AP1G1: variants seen among roughly 807,000 people sequenced by gnomAD.
AP1G1 encodes adaptor related protein complex 1 subunit gamma 1, also known as AP-1 complex subunit gamma-1.
Under a neutral mutation model 108.3 loss-of-function variants are expected in AP1G1, and 7 were observed. That is an observed-to-expected ratio of 0.06 (90% CI 0.04 to 0.12). The LOEUF is 0.12. AP1G1 is among the 10% of genes least tolerant of loss of function. The pLI is 1.00. For missense variants in AP1G1, 756 were observed against 1,010.7 expected (o/e 0.75, Z 3.42); for synonymous variants, 379 against 353.5 (o/e 1.07, Z -0.81).
intron 1 of AP1G1, among the ~76,000 whole-genome samples, chr16:71,801,069 G>A (rs1188991314): frequency 1.3e-5 from 2 of 152,040 alleles, no homozygotes; most frequent in Non-Finnish European, 2.9e-5. Flanking sequence ...CACTTTGGGA[G>A]GCCAAGGCAG....
chr16:71,797,357 T>G (rs967621201), intron 1 of AP1G1, among the ~76,000 whole-genome samples: 1 of 152,042 alleles, frequency 6.6e-6, no homozygotes, highest in East Asian at 1.9e-4. Context: ...AAACTTGGAA[T>G]AAAACTTGCT....
chr16:71,773,007 C>A, intron 4 of AP1G1: 1 of 649,396 alleles, frequency 1.5e-6, no homozygotes, highest in Non-Finnish European at 2.8e-6. Flanking sequence ...ATTTGGTATG[C>A]CACCTAGGAT....
At chr16:71,782,227 G>T (rs578041986) in intron 2 of AP1G1, among the ~76,000 whole-genome samples, 4 of 151,018 alleles carry the variant, frequency 2.6e-5, no homozygotes, top group Middle Eastern at 3.2e-3. Flanking sequence ...GCAGTGGCAC[G>T]ATCTCGCCTC....
At chr16:71,792,032 G>A (rs1039936423) in intron 1 of AP1G1, among the ~76,000 whole-genome samples, 19 of 152,112 alleles carry the variant, frequency 1.2e-4, no homozygotes, top group African/African-American at 4.1e-4. Flanking sequence ...AAAGTGCTGG[G>A]ATTACAGGTG....
chr16:71,808,436 C>A, intron 1 of AP1G1: 1 of 1,182,540 alleles, frequency 8.5e-7, no homozygotes, highest in Non-Finnish European at 1.1e-6. Context: ...CCCGCTAAAC[C>A]CCAGGCTCCC....
At chr16:71,797,995 G>A (rs2032645731) in intron 1 of AP1G1, among the ~76,000 whole-genome samples, 1 of 152,084 alleles carries the variant, frequency 6.6e-6, no homozygotes, top group South Asian at 2.1e-4. Flanking sequence ...CAGTCCCATT[G>A]ACAATAGTGT....
intron 2 of AP1G1, among the ~76,000 whole-genome samples, chr16:71,783,353 A>G (rs977865180): frequency 6.6e-6 from 1 of 152,204 alleles, no homozygotes; most frequent in African/African-American, 2.4e-5. Flanking sequence ...TCTTAGAACC[A>G]AGTTCAATAA....
chr16:71,753,578 A>G (rs1372818272), intron 13 of AP1G1: 5 of 457,206 alleles, frequency 1.1e-5, no homozygotes. Context: ...CTCAAATGTT[A>G]TCTCCTCTGA....
At chr16:71,767,836 T>G in intron 6 of AP1G1, 1 of 1,592,600 alleles carries the variant, frequency 6.3e-7, no homozygotes, top group African/African-American at 1.3e-5. Flanking sequence ...ACTAAGGACC[T>G]AATGCCAGCA....
chr16:71,798,159 G>A (rs1236833034), intron 1 of AP1G1, among the ~76,000 whole-genome samples: 1 of 152,156 alleles, frequency 6.6e-6, no homozygotes, highest in Non-Finnish European at 1.5e-5. Flanking sequence ...ATCAAAAACT[G>A]TTAAGGCTGG....
Position 71,761,575 on chromosome 16 carries a change from G to A in AP1G1, c.919-8C>T. ...GATATTTATGGCTAGGACCTAAAGA[G>A]AAACAGCATAGGTCGAAATTTAGGA... On this transcript the variant is annotated splice_region_variant and splice_polypyrimidine_tract_variant and intron_variant, in intron 9 of 22. Transcript: ENST00000299980. The A allele has an allele frequency of 1.9e-6, 3 of 1,601,806 alleles. No homozygotes were observed. Among genetic ancestry groups the A allele is most frequent in the Non-Finnish European group, 1.7e-6 (2 of 1,170,740 alleles).
At chr16:71,800,190 C>CT (rs2032737810) in intron 1 of AP1G1, among the ~76,000 whole-genome samples, 1 of 144,692 alleles carries the variant, frequency 6.9e-6, no homozygotes, top group Admixed American at 7.0e-5. Context: ...TGGTGAAACT[C>CT]TGTCTCTACT....
chr16:71,745,316 T>C, intron 18 of AP1G1, 46 bp from the exon 19 acceptor site: 1 of 1,610,974 alleles, frequency 6.2e-7, no homozygotes, highest in East Asian at 2.2e-5. Flanking sequence ...TTGATTTGTC[T>C]AGTATACATC....
At chr16:71,754,419 C>G (rs2030671771) in intron 12 of AP1G1, among the ~76,000 whole-genome samples, 1 of 152,114 alleles carries the variant, frequency 6.6e-6, no homozygotes, top group Non-Finnish European at 1.5e-5. Flanking sequence ...ACAGTCTTTT[C>G]TAGGTTCCCT....
rs1470343998 is a variant in AP1G1 at position 71,807,695 on chromosome 16, T to C, written c.-4+1068A>G. On this transcript the variant is annotated intron_variant, in intron 1 of 22. Coordinates refer to ENST00000299980, the MANE Select transcript of AP1G1 (RefSeq NM_001128.6). The stretch of plus-strand genomic sequence containing the variant: ...ATTTTTTAGAATCAGTCAGCAAAGA[T>C]CATTACTGTACAAACACTTCAAAGT... 1.8e-5 allele frequency: 13 copies of C among 723,316 alleles called. No homozygotes were observed. In the South Asian group the frequency reaches 1.9e-4, roughly 11 times the overall value. The allele number at this position is 723,316 out of a possible 1,614,324, so 44.8% of individuals were successfully genotyped here.
intron 1 of AP1G1, among the ~76,000 whole-genome samples, chr16:71,801,165 G>C (rs1182085059): frequency 6.6e-6 from 1 of 152,022 alleles, no homozygotes; most frequent in Non-Finnish European, 1.5e-5. Context: ...AAATTATCTG[G>C]GTGTGGTGGC....
intron 6 of AP1G1, among the ~76,000 whole-genome samples, chr16:71,768,226 G>A (rs572819761): frequency 5.3e-5 from 8 of 149,536 alleles, no homozygotes; most frequent in Non-Finnish European, 8.9e-5. Context: ...GGCCGGGCGC[G>A]GTAGCTCACG....
intron 1 of AP1G1, among the ~76,000 whole-genome samples, chr16:71,804,555 A>G (rs9929985): frequency 0.87 from 131,742 of 151,826 alleles, 57,299 homozygotes; most frequent in East Asian, 0.99. Flanking sequence ...ATGCAGGTGC[A>G]CATCACCATG....
intron 1 of AP1G1, among the ~76,000 whole-genome samples, chr16:71,791,195 G>A (rs1187717985): frequency 2.7e-5 from 4 of 150,786 alleles, no homozygotes; most frequent in Admixed American, 1.3e-4. Flanking sequence ...AATCCAGCCT[G>A]GGCAACAGAG....
Sources: allele counts gnomAD v4.1 joint callset (sites outside exome capture counted in the v4.1 genomes callset), GRCh38; gene constraint gnomAD v4.1.1; transcripts MANE v1.5; gene names NCBI Gene and HGNC (gene_info 2026-07-23, HGNC 2026-07-21).